The following BTRC variants were observed in gnomAD, a reference collection of about 807,000 sequenced individuals.
The protein encoded by BTRC is beta-transducin repeat containing E3 ubiquitin protein ligase.
BTRC carries 42 observed loss-of-function variants against 85.5 expected under a neutral mutation model. The observed-to-expected ratio is 0.49, with a 90% CI of 0.38 to 0.64. The LOEUF (loss-of-function observed/expected upper bound fraction) is 0.64. BTRC is among the 30% of genes least tolerant of loss of function. The pLI is 0.00. For missense variants in BTRC, 594 were observed against 743.5 expected (o/e 0.80, Z 2.34); for synonymous variants, 255 against 263.3 (o/e 0.97, Z 0.30).
chr10:101,532,994 G>A lies in BTRC; in HGVS notation c.1021G>A (p.Gly341Ser). ...ATTGGAATGCAAGCGAATTCTCACA[G>A]GCCATACAGGTTCAGTCCTCTGTCT... is the stretch of plus-strand genomic sequence containing the variant. ...NTLECKRILT[G>S]HTGSVLCLQY... The change falls in exon 9 of 15, where the codon GGC becomes AGC. Residue 341 changes from glycine to serine, a missense_variant. Physicochemically the swap from Gly to Ser is moderately conservative, Grantham distance 56. Coordinates refer to ENST00000370187, the MANE Select transcript of BTRC (RefSeq NM_033637.4). 1 of 1,613,298 alleles carries A rather than the reference G, an allele frequency of 6.2e-7. No individual in the cohort carries two copies. The highest frequency in any genetic ancestry group is 8.5e-7 in the Non-Finnish European group (1 of 1,179,686).
chr10:101,370,672 C>T (rs1304214118), intron 1 of BTRC, among the ~76,000 whole-genome samples: 10 of 142,346 alleles, frequency 7.0e-5, no homozygotes, highest in South Asian at 2.6e-4. Flanking sequence ...TGGGCTCAAG[C>T]GATCCTCCCA....
intron 1 of BTRC, among the ~76,000 whole-genome samples, chr10:101,412,577 T>C (rs1277212333): frequency 6.6e-6 from 1 of 152,248 alleles, no homozygotes; most frequent in Non-Finnish European, 1.5e-5. Flanking sequence ...TAATTTTATT[T>C]AAACTTAATG....
At chr10:101,480,606 T>G (rs1328698475) in intron 4 of BTRC, among the ~76,000 whole-genome samples, 4 of 152,198 alleles carry the variant, frequency 2.6e-5, no homozygotes, top group Non-Finnish European at 5.9e-5. Flanking sequence ...TTCATGAATT[T>G]TGGAGAACAC....
At chr10:101,462,777 A>C (rs913238987) in intron 3 of BTRC, among the ~76,000 whole-genome samples, 20 of 152,260 alleles carry the variant, frequency 1.3e-4, no homozygotes, top group African/African-American at 4.8e-4. Context: ...TGTAAAAATT[A>C]GAATGTCCTT....
chr10:101,389,990 T>G (rs1943195753), intron 1 of BTRC, among the ~76,000 whole-genome samples: 1 of 152,112 alleles, frequency 6.6e-6, no homozygotes, highest in African/African-American at 2.4e-5. Context: ...TTTGGTTGAG[T>G]CCTTCGTTTA....
At chr10:101,363,235 T>C (rs1056211621) in intron 1 of BTRC, among the ~76,000 whole-genome samples, 5 of 152,206 alleles carry the variant, frequency 3.3e-5, no homozygotes, top group African/African-American at 1.2e-4. Context: ...TTAAGTAACT[T>C]GCTCAAAGTC....
At chr10:101,413,650 C>A (rs1943845174) in intron 1 of BTRC, among the ~76,000 whole-genome samples, 5 of 151,978 alleles carry the variant, frequency 3.3e-5, no homozygotes, top group Admixed American at 3.3e-4. Context: ...ATGAAGATGT[C>A]CCAGAGGAAA....
At chr10:101,375,143 TGTTGGAGGTGGGGCCTG>T (rs1485620539) in intron 1 of BTRC, among the ~76,000 whole-genome samples, 1 of 152,144 alleles carries the variant, frequency 6.6e-6, no homozygotes, top group Non-Finnish European at 1.5e-5. Context: ...TAATCCCCAG[TGTTGGAGGTGGGGCCTG>T]GTAGGAGGTG....
At chr10:101,445,013 A>G (rs1232535116) in intron 2 of BTRC, among the ~76,000 whole-genome samples, 1 of 152,222 alleles carries the variant, frequency 6.6e-6, no homozygotes, top group African/African-American at 2.4e-5. Flanking sequence ...GCAGGAGGGT[A>G]ACTAAATTGT....
At chr10:101,426,962 T>G (rs1011453682) in intron 1 of BTRC, among the ~76,000 whole-genome samples, 1 of 152,158 alleles carries the variant, frequency 6.6e-6, no homozygotes, top group African/African-American at 2.4e-5. Context: ...TCCTGTGTTT[T>G]CATGCTCTAT....
intron 9 of BTRC, among the ~76,000 whole-genome samples, 178 bp downstream of exon 9, chr10:101,533,248 G>T (rs549742949): frequency 4.6e-5 from 7 of 152,294 alleles, no homozygotes; most frequent in Admixed American, 4.6e-4. Flanking sequence ...AATGCTTGAG[G>T]TAAGTTTACA....
chr10:101,457,766 T>G (rs773604585), intron 2 of BTRC, among the ~76,000 whole-genome samples: 1 of 152,306 alleles, frequency 6.6e-6, no homozygotes, highest in Non-Finnish European at 1.5e-5. Flanking sequence ...CCCCTAAAAT[T>G]TATTTTTCAC....
chr10:101,535,067 G>A (rs977636119), intron 10 of BTRC, among the ~76,000 whole-genome samples, 157 bp downstream of exon 10: 4 of 152,168 alleles, frequency 2.6e-5, no homozygotes, highest in African/African-American at 4.8e-5. Context: ...TAAGTGAGAC[G>A]TTGTGTGACA....
Position 101,502,995 on chromosome 10 carries a change from T to G in BTRC, c.325-18644T>G, listed in dbSNP as rs148019597. Among the ~76,000 whole-genome samples, 132 of 152,308 alleles carry G rather than the reference T, an allele frequency of 8.7e-4. 1 individual carries two copies. The East Asian group carries it at 0.024, about 28-fold the overall frequency. On this transcript the variant is annotated intron_variant, in intron 4 of 14. Coordinates refer to ENST00000370187, the MANE Select transcript of BTRC (RefSeq NM_033637.4). ...GGTACTCTTTCTGAATACCTTTATA[T>G]GTATTATTTTAATCTTAACATTAGC...
At chr10:101,431,070 CTTTTTTTTTT>C (rs748703752) in intron 2 of BTRC, among the ~76,000 whole-genome samples, 3 of 71,294 alleles carry the variant, frequency 4.2e-5, no homozygotes, top group African/African-American at 5.7e-5. Flanking sequence ...CTCAGCCTTT[CTTTTTTTTTT>C]TTTTTTTTTT....
chr10:101,539,347 A>G (rs2062433508), intron 13 of BTRC, among the ~76,000 whole-genome samples: 1 of 152,230 alleles, frequency 6.6e-6, no homozygotes, highest in South Asian at 2.1e-4. Flanking sequence ...AAGCATTTGA[A>G]GCCCAGTGTT....
At chr10:101,392,377 A>G (rs1943257807) in intron 1 of BTRC, among the ~76,000 whole-genome samples, 1 of 152,228 alleles carries the variant, frequency 6.6e-6, no homozygotes, top group Admixed American at 6.5e-5. Flanking sequence ...GTGTTGTGGA[A>G]TTCCCAATCT....
chr10:101,502,679 A>G lies in BTRC; in HGVS notation c.325-18960A>G, dbSNP rs556313402. Among the ~76,000 whole-genome samples the G allele has an allele frequency of 3.1e-3, 479 of 152,280 alleles. 2 individuals carry two copies. Among genetic ancestry groups the G allele is most frequent in the Non-Finnish European group, 4.7e-3 (317 of 68,000 alleles). On this transcript the variant is annotated intron_variant, in intron 4 of 14. Coordinates refer to ENST00000370187, the MANE Select transcript of BTRC (RefSeq NM_033637.4). Reference sequence around the variant, plus strand: ...AGAAGGGGACTCCAAATATGTTTACACCACAAGACATTTTACCACTGTACT... The same window carrying G: ...AGAAGGGGACTCCAAATATGTTTACGCCACAAGACATTTTACCACTGTACT...
intron 13 of BTRC, among the ~76,000 whole-genome samples, chr10:101,543,821 A>G (rs2062515810): frequency 6.6e-6 from 1 of 152,118 alleles, no homozygotes; most frequent in South Asian, 2.1e-4. Context: ...CCTTTATGCT[A>G]TTGTTGCTAC....
Sources: gnomAD v4.1 joint callset for allele counts (sites outside exome capture counted in the v4.1 genomes callset) on GRCh38, gnomAD v4.1.1 for gene constraint, MANE v1.5 for transcripts, NCBI Gene and HGNC (gene_info 2026-07-23, HGNC 2026-07-21) for gene names.